The following CSGALNACT1 variants were observed in gnomAD, a reference collection of about 807,000 sequenced individuals.
CSGALNACT1 encodes the protein beta4GalNAcT-1.
In CSGALNACT1, 52 loss-of-function variants were observed where a neutral mutation model predicts 51.0. The observed-to-expected ratio is 1.02, with a 90% CI of 0.82 to 1.29. CSGALNACT1 has a LOEUF of 1.29. Ranked by LOEUF, CSGALNACT1 falls within the 50% of genes most tolerant of loss-of-function variation. CSGALNACT1 has a pLI of 0.00. For synonymous variants in CSGALNACT1, 341 were observed against 254.4 expected (o/e 1.34, Z -3.24); for missense variants, 935 against 679.2 (o/e 1.38, Z -4.19).
chr8:19,427,666 T>C (rs2058985212), intron 6 of CSGALNACT1, among the ~76,000 whole-genome samples: 1 of 152,012 alleles, frequency 6.6e-6, no homozygotes, highest in Non-Finnish European at 1.5e-5. Flanking sequence ...CGGGCACCTG[T>C]AGTCCCAGCT....
chr8:19,667,036 G>GAAAACAA (rs1564386834), intron 1 of CSGALNACT1, among the ~76,000 whole-genome samples: 1 of 28,460 alleles, frequency 3.5e-5, no homozygotes, highest in African/African-American at 2.1e-4. Flanking sequence ...AGGAAGGAAG[G>GAAAACAA]AAGGAAGAAA....
At chr8:19,631,111 C>T (rs2055195258) in intron 1 of CSGALNACT1, among the ~76,000 whole-genome samples, 1 of 152,194 alleles carries the variant, frequency 6.6e-6, no homozygotes, top group Non-Finnish European at 1.5e-5. Context: ...TCCTGAAGGA[C>T]ATTTTGGTTA....
At chr8:19,470,305 T>G (rs1352773472) in intron 4 of CSGALNACT1, among the ~76,000 whole-genome samples, 1 of 151,842 alleles carries the variant, frequency 6.6e-6, no homozygotes, top group Non-Finnish European at 1.5e-5. Context: ...ATGAGGGAAT[T>G]AAAAGTAGAA....
chr8:19,722,677 TCA>T (rs2154240733), intron 1 of CSGALNACT1, among the ~76,000 whole-genome samples: 1 of 152,118 alleles, frequency 6.6e-6, no homozygotes, highest in African/African-American at 2.4e-5. Flanking sequence ...TTGACCAGAG[TCA>T]TGGATGGGCA....
chr8:19,474,413 A>G (rs1196494239), intron 4 of CSGALNACT1, among the ~76,000 whole-genome samples: 1 of 152,218 alleles, frequency 6.6e-6, no homozygotes, highest in Non-Finnish European at 1.5e-5. Context: ...GGAAATGTAT[A>G]GAGCAGGTAG....
intron 3 of CSGALNACT1, among the ~76,000 whole-genome samples, chr8:19,519,293 C>A (rs1192624540): frequency 4.6e-5 from 7 of 152,130 alleles, no homozygotes; most frequent in African/African-American, 1.4e-4. Context: ...GTTGTTGATC[C>A]CCATTCTCCT....
chr8:19,597,295 T>C (rs960211273), intron 2 of CSGALNACT1, among the ~76,000 whole-genome samples: 14 of 129,224 alleles, frequency 1.1e-4, no homozygotes, highest in Non-Finnish European at 2.0e-4. Flanking sequence ...CTTTTTTTTT[T>C]TTTTTTTTTT....
intron 1 of CSGALNACT1, among the ~76,000 whole-genome samples, chr8:19,665,982 T>C (rs886750640): frequency 2.0e-5 from 3 of 152,188 alleles, no homozygotes. Context: ...TAGTTGAAGA[T>C]TCCTCATTGT....
intron 3 of CSGALNACT1, among the ~76,000 whole-genome samples, chr8:19,532,344 G>A (rs141803092): frequency 3.5e-4 from 53 of 152,250 alleles, no homozygotes; most frequent in African/African-American, 1.2e-3. Context: ...GCAGGGCAGT[G>A]AGGAACAATT....
At chr8:19,646,233 T>A (rs1359311492) in intron 1 of CSGALNACT1, among the ~76,000 whole-genome samples, 2 of 152,188 alleles carry the variant, frequency 1.3e-5, no homozygotes, top group Admixed American at 1.3e-4. Context: ...GAACACTGCC[T>A]GGCATGTATC....
At position 19,714,777 on chromosome 8, in the gene CSGALNACT1, A is replaced by G. The variant is rs562713188; in HGVS notation, c.-297+43073T>C. On this transcript the variant is annotated intron_variant, in intron 1 of 1. Coordinates refer to the CSGALNACT1 transcript ENST00000517494. ...ATATTTTTTTTTTTTTCTGTTTTCT[A>G]ACTTTTAGTTTCAGGAGTACGTCTG... Among the ~76,000 whole-genome samples the G allele has an allele frequency of 2.0e-5, 3 of 149,588 alleles. No individual in the cohort carries two copies. The East Asian group carries it at 5.9e-4, about 29-fold the overall frequency.
At chr8:19,700,126 GA>G (rs36041049) in intron 1 of CSGALNACT1, among the ~76,000 whole-genome samples, 72,517 of 138,850 alleles carry the variant, frequency 0.52, 18,865 homozygotes, top group Middle Eastern at 0.69. Context: ...AAAAAAAAAA[GA>G]AAAAAAAAAA....
intron 3 of CSGALNACT1, among the ~76,000 whole-genome samples, chr8:19,529,547 A>G (rs568385214): frequency 6.6e-6 from 1 of 152,320 alleles, no homozygotes; most frequent in East Asian, 1.9e-4. Flanking sequence ...CCCTTTCCCC[A>G]TTACTAATAA....
At chr8:19,509,617 G>C (rs999238969) in intron 3 of CSGALNACT1, among the ~76,000 whole-genome samples, 1 of 83,792 alleles carries the variant, frequency 1.2e-5, no homozygotes, top group African/African-American at 5.2e-5. Context: ...GCAAGACTCT[G>C]TCTCAAAAAA....
At chr8:19,510,917 G>C (rs924000260) in intron 3 of CSGALNACT1, among the ~76,000 whole-genome samples, 5 of 152,202 alleles carry the variant, frequency 3.3e-5, no homozygotes, top group Admixed American at 6.5e-5. Context: ...GGATTTCTAT[G>C]ACTAGGACAG....
At chr8:19,539,127 G>A (rs2084466167) in intron 3 of CSGALNACT1, among the ~76,000 whole-genome samples, 1 of 152,118 alleles carries the variant, frequency 6.6e-6, no homozygotes. Context: ...CATATACCAA[G>A]TGAAATGATT....
At chr8:19,641,092 C>T (rs562085651) in intron 1 of CSGALNACT1, among the ~76,000 whole-genome samples, 14 of 145,638 alleles carry the variant, frequency 9.6e-5, no homozygotes, top group East Asian at 4.3e-4. Context: ...CCCAGGGATG[C>T]GGAATCTACC....
intron 1 of CSGALNACT1, among the ~76,000 whole-genome samples, chr8:19,751,531 G>A (rs2065025882): frequency 6.6e-6 from 1 of 152,108 alleles, no homozygotes; most frequent in Non-Finnish European, 1.5e-5. Context: ...CTACTAGAAT[G>A]ATCTACTCTG....
intron 1 of CSGALNACT1, among the ~76,000 whole-genome samples, chr8:19,662,058 G>GCCCCCACC (rs2058785561): frequency 1.5e-4 from 5 of 33,940 alleles, no homozygotes; most frequent in African/African-American, 5.1e-4. Context: ...TATTACAGTT[G>GCCCCCACC]CCCCCACCCC....
Sources: allele counts gnomAD v4.1 joint callset (sites outside exome capture counted in the v4.1 genomes callset), GRCh38; gene constraint gnomAD v4.1.1; transcripts MANE v1.5; gene names NCBI Gene and HGNC (gene_info 2026-07-23, HGNC 2026-07-21).